GOLGB1: variants seen among roughly 807,000 people sequenced by gnomAD.
The protein encoded by GOLGB1 is golgin B1, also known as golgin subfamily B member 1.
GOLGB1 carries 174 observed loss-of-function variants against 336.9 expected under a neutral mutation model. The observed-to-expected ratio is 0.52, with a 90% CI of 0.46 to 0.59. The LOEUF (loss-of-function observed/expected upper bound fraction) is 0.59. Ranked by LOEUF, GOLGB1 falls within the 20% of genes least tolerant of loss-of-function variation. The pLI, the probability that GOLGB1 is intolerant of heterozygous loss-of-function variation, is 0.00. For synonymous variants in GOLGB1, 1,208 were observed against 1,289.2 expected, an observed-to-expected ratio of 0.94 and a Z score of 1.35; for missense variants, 3,331 against 3,645.3, an observed-to-expected ratio of 0.91 and a Z score of 2.22.
rs1366383327 is a variant in GOLGB1 at position 121,748,729 on chromosome 3, A to T, written c.-3+903T>A. 7 of 747,102 alleles carry T rather than the reference A, an allele frequency of 9.4e-6. No individual in the cohort carries two copies. The Admixed American group carries it at 4.4e-4, about 47-fold the overall frequency. 46.3% of individuals were successfully genotyped at this position (747,102 alleles called of 1,614,324 possible). On this transcript the variant is annotated intron_variant, in intron 1 of 21. Coordinates refer to ENST00000614479, the MANE Select transcript of GOLGB1 (RefSeq NM_001366282.2). ...TTGCATCTTGCACAGAACTGTAAAA[A>T]GGTCCTTTAAATGCTCAGACAGCTT...
intron 1 of GOLGB1, among the ~76,000 whole-genome samples, chr3:121,748,387 T>C (rs115310190): frequency 2.3e-3 from 356 of 152,274 alleles, no homozygotes; most frequent in Non-Finnish European, 4.2e-3. Flanking sequence ...GTTTTACTGA[T>C]AGGGAGTGCA....
Position 121,698,213 on chromosome 3 carries a change from C to T in GOLGB1, c.2310G>A (p.Gln770=). 6.2e-7 allele frequency: 1 copy of T among 1,613,858 alleles called. No individual in the cohort carries two copies. The highest frequency in any genetic ancestry group is 1.3e-5 in the African/African-American group (1 of 75,022). ...CAAGGTTCATTTCCAGTTGCTTTAC[C>T]TGAGCCCTCAATTCTGTTACCATGC... ...ELSMVTELRA[Q]VKQLEMNLAE... Residue 770 remains glutamine, a synonymous_variant, in exon 13 of 22, where the codon CAG becomes CAA. Coordinates refer to ENST00000614479, the MANE Select transcript of GOLGB1 (RefSeq NM_001366282.2).
intron 1 of GOLGB1, among the ~76,000 whole-genome samples, chr3:121,748,071 G>C (rs983489295): frequency 1.3e-5 from 2 of 150,690 alleles, no homozygotes; most frequent in Non-Finnish European, 2.9e-5. Context: ...AAAAAGAAAG[G>C]GGGCCTATAA....
At chr3:121,689,062 G>T (rs2107754202) in intron 14 of GOLGB1, among the ~76,000 whole-genome samples, 2 of 149,400 alleles carry the variant, frequency 1.3e-5, no homozygotes, top group African/African-American at 4.9e-5. Flanking sequence ...CGGGAGGGAG[G>T]TGGGGGGGTC....
chr3:121,694,047 T>G lies in GOLGB1; in HGVS notation c.6476A>C (p.His2159Pro), dbSNP rs1311336584. The G allele has an allele frequency of 6.2e-7, 1 of 1,613,982 alleles. No homozygotes were observed. The highest frequency in any genetic ancestry group is 1.3e-5 in the African/African-American group (1 of 74,938). Residue 2159 changes from histidine (H) to proline (P), a missense_variant, in exon 13 of 22, where the codon CAC (histidine) becomes CCC (proline). Physicochemically the swap from His to Pro is moderately conservative, Grantham distance 77. Coordinates refer to ENST00000614479, the MANE Select transcript of GOLGB1 (RefSeq NM_001366282.2). ...KLDALRREKV[H>P]LEETIGEIQV... ...AATCTCTCCAATTGTCTCTTCCAAG[T>G]GGACTTTTTCTCTGCGCAAAGCATC... is the stretch of plus-strand genomic sequence containing the variant.
intron 14 of GOLGB1, among the ~76,000 whole-genome samples, chr3:121,688,999 C>A (rs535547551): frequency 1.7e-3 from 262 of 152,004 alleles, no homozygotes; most frequent in Middle Eastern, 3.4e-3. Flanking sequence ...GCAGCCACCC[C>A]CTCCGGGAGG....
rs370929581 is a variant in GOLGB1 at position 121,698,040 on chromosome 3, T to A, written c.2483A>T (p.Gln828Leu). Residue 828 changes from glutamine to leucine, a missense_variant, in exon 13 of 22, where the codon CAG becomes CTG. Transcript: ENST00000614479. ...GGTACTCTGCTCAGAAAACTGAAGCTGCACATCATCCAGTTCATTCTGTAA... is the reference window on the plus strand; with the variant it reads ...GGTACTCTGCTCAGAAAACTGAAGCAGCACATCATCCAGTTCATTCTGTAA... ...EVLQNELDDV[Q>L]LQFSEQSTLI... 7 of 1,614,122 alleles carry A rather than the reference T, an allele frequency of 4.3e-6. No homozygotes were observed. The highest frequency in any genetic ancestry group is 5.9e-6 in the Non-Finnish European group (7 of 1,179,960).
intron 1 of GOLGB1, among the ~76,000 whole-genome samples, chr3:121,742,276 C>T (rs929232657): frequency 6.6e-6 from 1 of 152,112 alleles, no homozygotes; most frequent in African/African-American, 2.4e-5. Context: ...CATACATAGA[C>T]CAATGGAACA....
At chr3:121,724,053 C>T (rs551119063) in intron 5 of GOLGB1, among the ~76,000 whole-genome samples, 7 of 152,046 alleles carry the variant, frequency 4.6e-5, no homozygotes, top group East Asian at 1.9e-4. Flanking sequence ...CAAGAGAAAA[C>T]GGACTAAAAA....
At chr3:121,732,974 C>A (rs529656740) in intron 1 of GOLGB1, among the ~76,000 whole-genome samples, 5 of 152,310 alleles carry the variant, frequency 3.3e-5, no homozygotes, top group African/African-American at 9.6e-5. Context: ...CCTTAAAAAA[C>A]AACTCCTAGA....
chr3:121,748,900 C>T, intron 1 of GOLGB1: 1 of 984,314 alleles, frequency 1.0e-6, no homozygotes, highest in Non-Finnish European at 1.2e-6. Flanking sequence ...GACTCACCCT[C>T]CCTTTCACAT....
chr3:121,680,733 A>T (rs1940973273), intron 15 of GOLGB1, among the ~76,000 whole-genome samples: 1 of 152,232 alleles, frequency 6.6e-6, no homozygotes, highest in Non-Finnish European at 1.5e-5. Flanking sequence ...GGGAAAAAAT[A>T]TTTGCAAACC....
Position 121,729,321 on chromosome 3 carries a change from T to G in GOLGB1, c.269A>C (p.Asp90Ala), listed in dbSNP as rs1291179502. The change falls in exon 4 of 22, where the codon GAT (aspartate) becomes GCT (alanine). Residue 90 changes from aspartate to alanine, a missense_variant. By Grantham distance (126) the Asp-to-Ala change is moderately radical. Coordinates refer to ENST00000614479, the MANE Select transcript of GOLGB1 (RefSeq NM_001366282.2). Reference sequence around the variant, plus strand: ...AAGTTTTAGTTTTTTAATTTTGTTATCAGCAGCTTTTCTCTCTTCCTGCCC... The same window carrying G: ...AAGTTTTAGTTTTTTAATTTTGTTAGCAGCAGCTTTTCTCTCTTCCTGCCC... The part of the protein sequence containing the change: ...EALQEERKAA[D>A]NKIKKLKLHA... 1.2e-6 allele frequency: 2 copies of G among 1,612,548 alleles called. No homozygotes were observed. Among genetic ancestry groups the G allele is most frequent in the Non-Finnish European group, 1.7e-6 (2 of 1,179,142 alleles).
At chr3:121,715,105 GACA>G in intron 9 of GOLGB1, 129 bp from the exon 10 acceptor site, 1 of 582,832 alleles carries the variant, frequency 1.7e-6, no homozygotes, top group Non-Finnish European at 3.0e-6. Flanking sequence ...TGATGCCAAT[GACA>G]ACATTATTAT....
In GOLGB1 at chr3:121,696,443, A is replaced by G. The variant is rs1942954211; in HGVS notation, c.4080T>C (p.Ser1360=). The change falls in exon 13 of 22, where the codon AGT becomes AGC. Residue 1360 remains serine, a synonymous_variant. Coordinates refer to ENST00000614479, the MANE Select transcript of GOLGB1 (RefSeq NM_001366282.2). ...CAGCTTCATGGGATACTGTCTTTAG[A>G]CTCTCGATTTCTAAACCCTGTTTAT... ...QINKQGLEIE[S]LKTVSHEAEV... 6.2e-7 allele frequency: 1 copy of G among 1,613,596 alleles called. No homozygotes were observed. Among genetic ancestry groups the G allele is most frequent in the Non-Finnish European group, 8.5e-7 (1 of 1,179,924 alleles).
intron 20 of GOLGB1, among the ~76,000 whole-genome samples, chr3:121,667,224 A>AATAAAATAT (rs1938749446): frequency 6.6e-6 from 1 of 152,226 alleles, no homozygotes; most frequent in African/African-American, 2.4e-5. Context: ...GTTAGGGTGA[A>AATAAAATAT]ATAAAATATC....
intron 17 of GOLGB1, among the ~76,000 whole-genome samples, chr3:121,671,430 C>T (rs1347683435): frequency 2.0e-5 from 3 of 152,266 alleles, no homozygotes; most frequent in Middle Eastern, 3.4e-3. Context: ...AATTCGAGGA[C>T]GCTCAAATTC....
At chr3:121,727,078 AT>A in intron 4 of GOLGB1, 37 bp from the exon 5 acceptor site, 1 of 1,210,410 alleles carries the variant, frequency 8.3e-7, no homozygotes, top group Non-Finnish European at 1.1e-6. Flanking sequence ...ATTTAAAAGA[AT>A]TACAATTAAT....
chr3:121,735,109 A>ATAGT (rs1373910149), intron 1 of GOLGB1, among the ~76,000 whole-genome samples: 2 of 152,228 alleles, frequency 1.3e-5, no homozygotes, highest in Non-Finnish European at 2.9e-5. Flanking sequence ...CCACACAAAT[A>ATAGT]TAGTTGTCAG....
Sources: gnomAD v4.1 joint callset for allele counts (sites outside exome capture counted in the v4.1 genomes callset) on GRCh38, gnomAD v4.1.1 for gene constraint, MANE v1.5 for transcripts, NCBI Gene and HGNC (gene_info 2026-07-23, HGNC 2026-07-21) for gene names.